ARHGAP24: variants seen among roughly 807,000 people sequenced by gnomAD.
ARHGAP24 encodes the protein Rho GTPase activating protein 24, also known as rho GTPase-activating protein 24.
In ARHGAP24, 50 loss-of-function variants were observed where a neutral mutation model predicts 76.4. The observed-to-expected ratio is 0.65, with a 90% confidence interval of 0.52 to 0.83. The LOEUF is 0.83. Among genes scored for constraint, ARHGAP24 ranks in the 40% least tolerant of loss-of-function variants. ARHGAP24 has a pLI of 0.00. For missense variants in ARHGAP24, 930 were observed against 914.2 expected (o/e 1.02, Z -0.22); for synonymous variants, 345 against 323.3 (o/e 1.07, Z -0.72).
chr4:85,914,652 A>T (rs346509), intron 3 of ARHGAP24, among the ~76,000 whole-genome samples: 3 of 151,982 alleles, frequency 2.0e-5, no homozygotes, highest in Non-Finnish European at 4.4e-5. Flanking sequence ...TTTAACTTTC[A>T]TGACCATTAG....
intron 2 of ARHGAP24, among the ~76,000 whole-genome samples, chr4:85,632,578 CTG>C (rs1259152582): frequency 1.3e-5 from 2 of 149,676 alleles, no homozygotes; most frequent in African/African-American, 5.1e-5. Flanking sequence ...TGTGGACTCA[CTG>C]TGTTTTCAGC....
intron 5 of ARHGAP24, among the ~76,000 whole-genome samples, chr4:85,961,305 A>ATTCC (rs201483801): frequency 0.65 from 98,714 of 151,372 alleles, 33,384 homozygotes; most frequent in African/African-American, 0.82. Flanking sequence ...TTGTTGAAGT[A>ATTCC]AAAGGGACAA....
At chr4:85,850,583 T>G (rs942963540) in intron 3 of ARHGAP24, among the ~76,000 whole-genome samples, 9 of 152,226 alleles carry the variant, frequency 5.9e-5, no homozygotes, top group Non-Finnish European at 1.2e-4. Context: ...CTTGTGGGCA[T>G]TTAGTGCTAT....
chr4:85,497,250 A>G (rs1044702437), intron 1 of ARHGAP24, among the ~76,000 whole-genome samples: 3 of 152,210 alleles, frequency 2.0e-5, no homozygotes, highest in Non-Finnish European at 2.9e-5. Context: ...AGGGTACAAA[A>G]TCATGTGCTT....
rs1467633305 is a variant in ARHGAP24, at chr4:85,972,116, A to C, written c.680A>C (p.Lys227Thr). Residue 227 changes from lysine (K) to threonine (T), a missense_variant, in exon 6 of 10, where the codon AAG becomes ACG. Physicochemically the swap from Lys to Thr is moderately conservative, Grantham distance 78. Coordinates refer to ENST00000395184, the MANE Select transcript of ARHGAP24 (RefSeq NM_001025616.3). ...ELPEPVIPYA[K>T]YEDFLSCAKL... is the part of the protein sequence containing the mutation. Reference sequence around the variant, plus strand: ...CCAGAACCAGTTATTCCTTATGCGAAGTATGAAGATTTTTTGTCATGTGCC... The same window carrying C: ...CCAGAACCAGTTATTCCTTATGCGACGTATGAAGATTTTTTGTCATGTGCC... 6.2e-7 allele frequency: 1 copy of C among 1,613,852 alleles called. No individual in the cohort carries two copies. Among genetic ancestry groups the C allele is most frequent in the Non-Finnish European group, 8.5e-7 (1 of 1,179,954 alleles).
intron 2 of ARHGAP24, among the ~76,000 whole-genome samples, chr4:85,645,343 G>T (rs1721683015): frequency 6.6e-6 from 1 of 151,994 alleles, no homozygotes. Flanking sequence ...AATGGAATTC[G>T]GTCCTAGATC....
At position 85,643,432 on chromosome 4, in the gene ARHGAP24, G is replaced by C. The variant is rs1334665926; in HGVS notation, c.180+72711G>C. On this transcript the variant is annotated intron_variant, in intron 2 of 9. Transcript: ENST00000395184. ...CGCCACCGCGCCCGGCTAATTTTTT[G>C]TATTTTTAGTAGAGACGGGGTTTCA... 2.6e-5 allele frequency among the ~76,000 whole-genome samples: 3 copies of C among 117,488 alleles called. 1 individual carries two copies. The highest frequency in any genetic ancestry group is 8.6e-5 in the African/African-American group (3 of 34,724). 77.1% of individuals were successfully genotyped at this position (117,488 alleles called of 152,430 possible).
Position 86,002,111 on chromosome 4 carries a change from C to T in ARHGAP24, c.*1389C>T, listed in dbSNP as rs1321451897. The T allele has an allele frequency of 1.3e-5, 2 of 152,022 alleles. No homozygotes were observed. The highest frequency in any genetic ancestry group is 2.1e-4 in the South Asian group (1 of 4,808). 9.4% of individuals were successfully genotyped at this position (152,022 alleles called of 1,614,324 possible). ...AGGCCAGGCAAATAATCTTTCTCACCGTAGAACAAAAAGTTACAAAAGGCA... is the reference window on the plus strand; with the variant it reads ...AGGCCAGGCAAATAATCTTTCTCACTGTAGAACAAAAAGTTACAAAAGGCA... On this transcript the variant is annotated 3_prime_UTR_variant, in exon 10 of 10. Coordinates refer to ENST00000395184, the MANE Select transcript of ARHGAP24 (RefSeq NM_001025616.3).
intron 2 of ARHGAP24, among the ~76,000 whole-genome samples, chr4:85,693,327 G>A (rs1723741314): frequency 6.6e-6 from 1 of 152,142 alleles, no homozygotes; most frequent in Non-Finnish European, 1.5e-5. Flanking sequence ...GGGCTCACCT[G>A]GGCAGAGGCT....
At chr4:85,661,402 T>A (rs1722380332) in intron 2 of ARHGAP24, among the ~76,000 whole-genome samples, 1 of 152,230 alleles carries the variant, frequency 6.6e-6, no homozygotes. Context: ...GTTTGTTTAT[T>A]GTCAAGTCTT....
rs573248950 is a variant in ARHGAP24, at chr4:85,771,107, A to G, written c.268+49135A>G. Among the ~76,000 whole-genome samples, 7 of 152,338 alleles carry G rather than the reference A, an allele frequency of 4.6e-5. No individual in the cohort carries two copies. In the South Asian group the frequency reaches 1.0e-3, roughly 23 times the overall value. On this transcript the variant is annotated intron_variant, in intron 3 of 9. Transcript: ENST00000395184. The stretch of plus-strand genomic sequence containing the variant: ...TCTTTTATATGGGAGACTACACACT[A>G]TATCTGTGTATTAGTCAGACTTCTT...
chr4:85,478,505 G>A (rs1049241749), intron 1 of ARHGAP24, among the ~76,000 whole-genome samples: 42 of 152,158 alleles, frequency 2.8e-4, no homozygotes, highest in Admixed American at 2.4e-3. Flanking sequence ...GTACATTTGT[G>A]CAAAAAAGCA....
chr4:85,624,058 C>T (rs1578086897), intron 2 of ARHGAP24, among the ~76,000 whole-genome samples: 1 of 152,260 alleles, frequency 6.6e-6, no homozygotes, highest in African/African-American at 2.4e-5. Context: ...CTTCCTTTTT[C>T]CTAATTGAAT....
intron 3 of ARHGAP24, among the ~76,000 whole-genome samples, chr4:85,887,669 T>A (rs1284712200): frequency 6.6e-6 from 1 of 152,140 alleles, no homozygotes; most frequent in African/African-American, 2.4e-5. Context: ...TCCATGGAAG[T>A]TTCTCCTTTT....
intron 3 of ARHGAP24, among the ~76,000 whole-genome samples, chr4:85,797,465 G>A (rs1728406981): frequency 6.6e-6 from 1 of 152,176 alleles, no homozygotes; most frequent in African/African-American, 2.4e-5. Flanking sequence ...GAGCCACTGC[G>A]CCCGGCCGGC....
At chr4:85,657,716 T>C (rs1402364899) in intron 2 of ARHGAP24, among the ~76,000 whole-genome samples, 2 of 152,220 alleles carry the variant, frequency 1.3e-5, no homozygotes, top group African/African-American at 4.8e-5. Context: ...GGGTAGATGA[T>C]AACTACAAAA....
chr4:85,674,997 G>C (rs918263905), intron 2 of ARHGAP24, among the ~76,000 whole-genome samples: 2 of 152,200 alleles, frequency 1.3e-5, no homozygotes, highest in Non-Finnish European at 2.9e-5. Flanking sequence ...AGAGGGTTCT[G>C]CTGAAAACTT....
rs543713410 is a variant in ARHGAP24, at chr4:85,694,649, G to A, written c.181-27236G>A. ...AAGACACTGTCCCTGACTTTCCCTC[G>A]GCCCCTCCACCCTCTGTGTGTGTGT... On this transcript the variant is annotated intron_variant, in intron 2 of 9. Coordinates refer to ENST00000395184, the MANE Select transcript of ARHGAP24 (RefSeq NM_001025616.3). 5.3e-5 allele frequency among the ~76,000 whole-genome samples: 8 copies of A among 151,896 alleles called. No homozygotes were observed. In the South Asian group the frequency reaches 1.0e-3, roughly 20 times the overall value.
At chr4:85,764,146 A>G (rs908258358) in intron 3 of ARHGAP24, among the ~76,000 whole-genome samples, 5 of 152,150 alleles carry the variant, frequency 3.3e-5, no homozygotes, top group African/African-American at 4.8e-5. Flanking sequence ...GAATTTATTG[A>G]TGGTTTCCTT....
Sources: gnomAD v4.1 joint callset for allele counts (sites outside exome capture counted in the v4.1 genomes callset) on GRCh38, gnomAD v4.1.1 for gene constraint, MANE v1.5 for transcripts, NCBI Gene and HGNC (gene_info 2026-07-23, HGNC 2026-07-21) for gene names.